The following FARS2 variants were observed in gnomAD, a reference collection of about 807,000 sequenced individuals.
FARS2 encodes phenylalanyl-tRNA synthetase 2, mitochondrial, also known as phenylalanine--tRNA ligase, mitochondrial.
In FARS2, 40 loss-of-function variants were observed where a neutral mutation model predicts 46.4. That is an observed-to-expected ratio of 0.86 (90% confidence interval 0.67 to 1.12). The LOEUF (loss-of-function observed/expected upper bound fraction) is 1.12. Among genes scored for constraint, FARS2 ranks in the 50% most tolerant of loss-of-function variants. The pLI, the probability that FARS2 is intolerant of heterozygous loss-of-function variation, is 0.00. For missense variants in FARS2, 513 were observed against 567.9 expected, an observed-to-expected ratio of 0.90 and a Z score of 0.98; for synonymous variants, 234 against 214.9, an observed-to-expected ratio of 1.09 and a Z score of -0.78.
intron 4 of FARS2, among the ~76,000 whole-genome samples, chr6:5,517,549 T>C (rs1768881458): frequency 6.6e-6 from 1 of 151,382 alleles, no homozygotes; most frequent in Non-Finnish European, 1.5e-5. Flanking sequence ...GAGGTGGAGG[T>C]TGCAGGGAGC....
chr6:5,594,700 C>T (rs1352776862), intron 5 of FARS2, among the ~76,000 whole-genome samples: 3 of 152,096 alleles, frequency 2.0e-5, no homozygotes, highest in African/African-American at 7.2e-5. Context: ...GGCCCAGACC[C>T]CTGAAGAGGA....
At chr6:5,700,311 T>A (rs557732993) in intron 6 of FARS2, among the ~76,000 whole-genome samples, 2 of 152,322 alleles carry the variant, frequency 1.3e-5, no homozygotes, top group African/African-American at 4.8e-5. Flanking sequence ...AAAAATATGA[T>A]GGGGAATTGG....
chr6:5,749,996 A>C (rs1222704202), intron 6 of FARS2, among the ~76,000 whole-genome samples: 1 of 152,162 alleles, frequency 6.6e-6, no homozygotes, highest in Non-Finnish European at 1.5e-5. Flanking sequence ...TTCATTTGCC[A>C]TTCACCAGGT....
At chr6:5,720,772 A>G (rs1759841846) in intron 6 of FARS2, among the ~76,000 whole-genome samples, 1 of 152,280 alleles carries the variant, frequency 6.6e-6, no homozygotes, top group South Asian at 2.1e-4. Context: ...TTGCCTGGGC[A>G]TAGTGGCTCA....
At position 5,571,120 on chromosome 6, in the gene FARS2, G is replaced by A. The variant is rs1389434384; in HGVS notation, c.1065+25780G>A. Among the ~76,000 whole-genome samples the A allele has an allele frequency of 2.6e-5, 4 of 152,138 alleles. No homozygotes were observed. In the East Asian group the frequency reaches 7.7e-4, roughly 29 times the overall value. ...TGCATCTATTAAAGGCAAATATGCA[G>A]CCGTTAGTATGTAAATGGAACTTGC... On this transcript the variant is annotated intron_variant, in intron 5 of 6. Transcript: ENST00000274680.
chr6:5,581,110 A>G (rs1773302975), intron 5 of FARS2, among the ~76,000 whole-genome samples: 2 of 152,236 alleles, frequency 1.3e-5, no homozygotes, highest in African/African-American at 4.8e-5. Context: ...ACAGAGGACA[A>G]GAAGCCATTT....
chr6:5,288,963 A>G (rs947241868), intron 1 of FARS2, among the ~76,000 whole-genome samples: 1 of 152,210 alleles, frequency 6.6e-6, no homozygotes, highest in Non-Finnish European at 1.5e-5. Flanking sequence ...TTGAATTTCT[A>G]AGATATTCAG....
chr6:5,498,846 A>G (rs1468488484), intron 4 of FARS2, among the ~76,000 whole-genome samples: 1 of 152,248 alleles, frequency 6.6e-6, no homozygotes, highest in Non-Finnish European at 1.5e-5. Context: ...ACATAAATTA[A>G]GCAGGATGCT....
chr6:5,510,434 A>G (rs1409418171), intron 4 of FARS2, among the ~76,000 whole-genome samples: 2 of 152,142 alleles, frequency 1.3e-5, no homozygotes, highest in Non-Finnish European at 2.9e-5. Context: ...TTCAGACCTC[A>G]GAGAGCATTT....
intron 1 of FARS2, among the ~76,000 whole-genome samples, chr6:5,365,054 CAAAAAAAAGCCAAAGCCA>C (rs1472410530): frequency 6.8e-6 from 1 of 146,630 alleles, no homozygotes; most frequent in African/African-American, 2.5e-5. Flanking sequence ...GTCTCAGAAA[CAAAAAAAAGCCAAAGCCA>C]AAAAAAAAAA....
At chr6:5,655,935 A>C (rs1777586082) in intron 6 of FARS2, among the ~76,000 whole-genome samples, 1 of 152,214 alleles carries the variant, frequency 6.6e-6, no homozygotes, top group Admixed American at 6.5e-5. Flanking sequence ...TAAAGTAATA[A>C]ATGTTAGAAA....
At position 5,727,335 on chromosome 6, in the gene FARS2, C is replaced by A. The variant is rs530109091; in HGVS notation, c.1218-43956C>A. On this transcript the variant is annotated intron_variant, in intron 6 of 6. Transcript: ENST00000274680. This position sits in a 1 kb window ranked among gnomAD's most constrained non-coding sequence, Gnocchi z 4.1. ...CCTCCCTTGGTCTCCTGGAACACTGCGTTTGTGCCTGTCTCACAGCGCCTG... is the reference window on the plus strand; with the variant it reads ...CCTCCCTTGGTCTCCTGGAACACTGAGTTTGTGCCTGTCTCACAGCGCCTG... 1.3e-5 allele frequency among the ~76,000 whole-genome samples: 2 copies of A among 152,316 alleles called. No homozygotes were observed. Among genetic ancestry groups the A allele is most frequent in the Non-Finnish European group, 2.9e-5 (2 of 68,022 alleles).
intron 1 of FARS2, among the ~76,000 whole-genome samples, chr6:5,267,059 G>T (rs1765594266): frequency 6.6e-6 from 1 of 151,790 alleles, no homozygotes; most frequent in Non-Finnish European, 1.5e-5. Context: ...ATTGATTGGA[G>T]GCTAAGGGTT....
Position 5,368,698 on chromosome 6 carries a change from C to G in FARS2, c.128C>G (p.Thr43Ser), listed in dbSNP as rs769031929. The change falls in exon 2 of 7, where the codon ACC becomes AGC. Residue 43 changes from threonine (T) to serine (S), a missense_variant. Coordinates refer to ENST00000274680, the MANE Select transcript of FARS2 (RefSeq NM_006567.5). ...GSRPPAAECA[T>S]QRAPGSVVEL... ...AGGCCTCCTGCAGCAGAGTGTGCCA[C>G]CCAAAGAGCTCCAGGCAGTGTGGTG... The G allele has an allele frequency of 7.4e-6, 12 of 1,614,030 alleles. No homozygotes were observed. In the East Asian group the frequency reaches 2.7e-4, roughly 36 times the overall value.
intron 2 of FARS2, among the ~76,000 whole-genome samples, chr6:5,378,542 T>C (rs1759537470): frequency 6.6e-6 from 1 of 152,202 alleles, no homozygotes; most frequent in African/African-American, 2.4e-5. Flanking sequence ...AGTGAGCCCA[T>C]GGTTGTCTCT....
chr6:5,269,915 A>G lies in FARS2; in HGVS notation c.-22+8255A>G, dbSNP rs142309928. ...TTATAACGTTTTAATGTAAACATTT[A>G]TTTTCTGAGCACAATTGAAGCACTT... On this transcript the variant is annotated intron_variant, in intron 1 of 6. Transcript: ENST00000274680. 1.1e-3 allele frequency among the ~76,000 whole-genome samples: 162 copies of G among 152,292 alleles called. 2 individuals carry two copies. Among genetic ancestry groups the G allele is most frequent in the Middle Eastern group, 0.01 (3 of 294 alleles).
At chr6:5,586,411 A>G (rs1023624219) in intron 5 of FARS2, among the ~76,000 whole-genome samples, 1 of 152,118 alleles carries the variant, frequency 6.6e-6, no homozygotes, top group Non-Finnish European at 1.5e-5. Context: ...AAAGGGTTGC[A>G]TGTTGTCAAA....
intron 5 of FARS2, among the ~76,000 whole-genome samples, chr6:5,554,596 A>C (rs1771550332): frequency 6.6e-6 from 1 of 152,186 alleles, no homozygotes; most frequent in Non-Finnish European, 1.5e-5. Flanking sequence ...CTGTACATTA[A>C]TTTGTTGAGG....
At chr6:5,761,953 A>C (rs1259217616) in intron 6 of FARS2, among the ~76,000 whole-genome samples, 1 of 152,212 alleles carries the variant, frequency 6.6e-6, no homozygotes, top group African/African-American at 2.4e-5. Context: ...CTGTGTGCAC[A>C]CCAGTGAGCT....
Sources: gnomAD v4.1 joint callset for allele counts (sites outside exome capture counted in the v4.1 genomes callset) on GRCh38, gnomAD v4.1.1 for gene constraint, Gnocchi (gnomAD v3.1) non-coding constraint, MANE v1.5 for transcripts, NCBI Gene and HGNC (gene_info 2026-07-23, HGNC 2026-07-21) for gene names.